NUP160: variants seen among roughly 807,000 people sequenced by gnomAD.
The protein encoded by NUP160 is nuclear pore complex protein Nup160.
NUP160 carries 94 observed loss-of-function variants against 196.9 expected under a neutral mutation model. That is an observed-to-expected ratio of 0.48 (90% confidence interval 0.40 to 0.57). The LOEUF (loss-of-function observed/expected upper bound fraction) is 0.57, where lower values mean the gene tolerates loss of function less well. NUP160 is among the 20% of genes least tolerant of loss of function. The pLI, the probability that NUP160 is intolerant of heterozygous loss-of-function variation, is 0.00. For synonymous variants in NUP160, 605 were observed against 619.7 expected (o/e 0.98, Z 0.35); for missense variants, 1,638 against 1,748.3 (o/e 0.94, Z 1.13).
intron 7 of NUP160, among the ~76,000 whole-genome samples, chr11:47,827,576 G>A (rs1252313445): frequency 1.3e-5 from 2 of 151,584 alleles, no homozygotes; most frequent in African/African-American, 2.4e-5. Flanking sequence ...GGGCATGGTG[G>A]CACATGCCCG....
At chr11:47,784,797 C>T in intron 33 of NUP160, 125 bp downstream of exon 33, 1 of 665,866 alleles carries the variant, frequency 1.5e-6, no homozygotes, top group Non-Finnish European at 2.3e-6. Context: ...CCCTGTTGGC[C>T]TACCAATGTG....
chr11:47,826,044 T>TTA lies in NUP160; in HGVS notation c.1102-3882_1102-3881dup, dbSNP rs1466578624. 3.3e-5 allele frequency among the ~76,000 whole-genome samples: 5 copies of TTA among 152,310 alleles called. No individual in the cohort carries two copies. In the South Asian group the frequency reaches 8.3e-4, roughly 25 times the overall value. On this transcript the variant is annotated intron_variant, in intron 7 of 35. Transcript: ENST00000378460. Reference sequence around the variant, plus strand: ...AAATATGAAAAAAAATATGTAGTGCTTATATCCATTGTAGCCTGAACCTGT... The same window carrying TTA: ...AAATATGAAAAAAAATATGTAGTGCTTATATATCCATTGTAGCCTGAACCTGT...
intron 15 of NUP160, among the ~76,000 whole-genome samples, chr11:47,812,661 C>G (rs2097681853): frequency 6.6e-6 from 1 of 152,046 alleles, no homozygotes; most frequent in Non-Finnish European, 1.5e-5. Flanking sequence ...GAATTTTTAG[C>G]TCGGTTAATT....
intron 7 of NUP160, among the ~76,000 whole-genome samples, chr11:47,824,607 CA>C (rs968505106): frequency 6.7e-6 from 1 of 148,780 alleles, no homozygotes; most frequent in Admixed American, 6.7e-5. Flanking sequence ...GACTCTATCT[CA>C]AAAAAAAATA....
At chr11:47,821,487 C>T (rs1851855867) in intron 9 of NUP160, 2 of 458,838 alleles carry the variant, frequency 4.4e-6, no homozygotes, top group East Asian at 3.8e-5. Flanking sequence ...CCTTGCCTCC[C>T]GAGGAGCTGG....
chr11:47,806,963 A>C (rs1346283204), intron 19 of NUP160, 107 bp downstream of exon 19: 2 of 755,278 alleles, frequency 2.6e-6, no homozygotes, highest in Non-Finnish European at 4.5e-6. Context: ...TCTGAAAGCA[A>C]AGAGCCTAGC....
intron 2 of NUP160, among the ~76,000 whole-genome samples, chr11:47,842,840 T>A (rs10458915): frequency 0.35 from 52,649 of 151,896 alleles, 10,564 homozygotes; most frequent in South Asian, 0.52. Context: ...ATAAAAAAAT[T>A]AGCCAGGCAT....
At chr11:47,825,859 C>A (rs1352824057) in intron 7 of NUP160, among the ~76,000 whole-genome samples, 1 of 152,146 alleles carries the variant, frequency 6.6e-6, no homozygotes, top group Non-Finnish European at 1.5e-5. Flanking sequence ...GCTGGGATTA[C>A]AGGCGTGAGC....
chr11:47,800,513 C>T (rs1467128036), intron 23 of NUP160, among the ~76,000 whole-genome samples: 1 of 151,856 alleles, frequency 6.6e-6, no homozygotes, highest in Non-Finnish European at 1.5e-5. Context: ...CTGTCTCAGG[C>T]TCCTAAGTAG....
intron 21 of NUP160, 40 bp from the exon 22 acceptor site, chr11:47,803,576 T>A (rs11039400): frequency 8.9e-7 from 1 of 1,117,774 alleles, no homozygotes; most frequent in South Asian, 1.2e-5. Context: ...AGAAAATAAA[T>A]GTTACTTAAG....
exon 36 of NUP160, chr11:47,779,008 C>T: frequency 1.2e-6 from 1 of 806,090 alleles, no homozygotes. Context: ...ACATCATTTA[C>T]AGTTACAAAA....
chr11:47,800,220 C>T (rs548695201), intron 23 of NUP160, among the ~76,000 whole-genome samples: 32 of 146,188 alleles, frequency 2.2e-4, no homozygotes, highest in African/African-American at 7.9e-4. Flanking sequence ...CACTACTGCA[C>T]TGGGCAACAG....
At position 47,831,894 on chromosome 11, in the gene NUP160, CTTTTTTTTTTTTTT is replaced by C. The variant is rs554204043; in HGVS notation, c.1101+3743_1101+3756del. ...GAGACAGATCTGATCTAATAAATTC[CTTTTTTTTTTTTTT>C]TTTTTTTTTTTTGAGACAGAATCTC... On this transcript the variant is annotated intron_variant, in intron 7 of 35. Transcript: ENST00000378460. 1.1e-4 allele frequency among the ~76,000 whole-genome samples: 8 copies of C among 69,990 alleles called. No individual in the cohort carries two copies. In the South Asian group the frequency reaches 3.1e-3, roughly 27 times the overall value. 45.9% of individuals were successfully genotyped at this position (69,990 alleles called of 152,430 possible). A position where few individuals can be genotyped will look rare whatever the true frequency, so the allele number is the denominator to read the frequency against.
intron 2 of NUP160, among the ~76,000 whole-genome samples, 198 bp downstream of exon 2, chr11:47,847,650 G>T (rs1196544132): frequency 3.9e-5 from 2 of 51,130 alleles, no homozygotes; most frequent in South Asian, 1.2e-3. Flanking sequence ...TGTGGGGGTG[G>T]GGGGGGGGAG....
chr11:47,788,430 A>G (rs2097665932), intron 30 of NUP160, 71 bp downstream of exon 30: 1 of 1,533,738 alleles, frequency 6.5e-7, no homozygotes, highest in African/African-American at 1.4e-5. Context: ...ACCATGCTAC[A>G]TACACTGCCT....
At chr11:47,813,902 T>A (rs2097682601) in intron 13 of NUP160, among the ~76,000 whole-genome samples, 1 of 151,228 alleles carries the variant, frequency 6.6e-6, no homozygotes, top group South Asian at 2.1e-4. Context: ...AAACCCCGTC[T>A]CTACTAAAAA....
At chr11:47,808,480 T>C (rs1565196187) in exon 18 of NUP160, 5 of 1,613,966 alleles carry the variant, frequency 3.1e-6, no homozygotes, top group East Asian at 2.2e-5. Flanking sequence ...AGCTGTTCGA[T>C]GTAGTAGGTC....
exon 32 of NUP160, chr11:47,786,468 G>A: frequency 1.2e-6 from 2 of 1,612,674 alleles, no homozygotes; most frequent in Non-Finnish European, 8.5e-7. Context: ...CTCCTTAGTA[G>A]TGATGACAGA....
At chr11:47,813,469 A>G in intron 13 of NUP160, 54 bp from the exon 14 acceptor site, 1 of 1,166,712 alleles carries the variant, frequency 8.6e-7, no homozygotes, top group Non-Finnish European at 1.3e-6. Context: ...TTAAAGGTAT[A>G]AAATAATTGA....
Sources: gnomAD v4.1 joint callset for allele counts (sites outside exome capture counted in the v4.1 genomes callset) on GRCh38, gnomAD v4.1.1 for gene constraint, MANE v1.5 for transcripts, NCBI Gene and HGNC (gene_info 2026-07-23, HGNC 2026-07-21) for gene names.